Variants in FER observed in about 807,000 individuals in gnomAD.
FER encodes the protein tyrosine-protein kinase Fer.
Under a neutral mutation model 111.0 loss-of-function variants are expected in FER, and 63 were observed. The ratio of observed to expected loss-of-function variants is 0.57; its 90% confidence interval spans 0.46 to 0.70. The LOEUF is 0.70. Ranked by LOEUF, FER falls within the 30% of genes least tolerant of loss-of-function variation. The pLI is 0.00. For synonymous variants in FER, 327 were observed against 313.9 expected, an observed-to-expected ratio of 1.04 and a Z score of -0.44; for missense variants, 914 against 954.0, an observed-to-expected ratio of 0.96 and a Z score of 0.55.
chr5:108,912,786 G>A lies in FER; in HGVS notation c.1236+14938G>A, dbSNP rs191533595. Among the ~76,000 whole-genome samples the A allele has an allele frequency of 1.5e-3, 224 of 152,288 alleles. 1 individual carries two copies. The highest frequency in any genetic ancestry group is 5.3e-3 in the African/African-American group (221 of 41,546). ...AAGGCCTGGGAAAAAAATTTGGGGG[G>A]TATTACCTGGGCTGGTTGTATCAAT... On this transcript the variant is annotated intron_variant, in intron 10 of 19. Transcript: ENST00000281092.
At chr5:109,024,399 G>A (rs1768369362) in intron 13 of FER, among the ~76,000 whole-genome samples, 1 of 152,122 alleles carries the variant, frequency 6.6e-6, no homozygotes, top group South Asian at 2.1e-4. Flanking sequence ...ACCCTATGCA[G>A]AGTGGAATGG....
At chr5:108,836,972 T>C (rs1760731252) in intron 5 of FER, among the ~76,000 whole-genome samples, 1 of 152,186 alleles carries the variant, frequency 6.6e-6, no homozygotes, top group African/African-American at 2.4e-5. Flanking sequence ...TCCTTACTTA[T>C]TTGTCATGTA....
At chr5:108,753,274 A>G (rs1750699837) in intron 1 of FER, among the ~76,000 whole-genome samples, 1 of 152,094 alleles carries the variant, frequency 6.6e-6, no homozygotes, top group Non-Finnish European at 1.5e-5. Context: ...ATATAATTAA[A>G]TTTACTTAAA....
At chr5:109,001,281 C>A (rs1025177771) in intron 13 of FER, among the ~76,000 whole-genome samples, 2 of 152,182 alleles carry the variant, frequency 1.3e-5, no homozygotes, top group Non-Finnish European at 2.9e-5. Context: ...AAAGCTTATC[C>A]ACCATGATCA....
chr5:108,819,841 T>C, intron 3 of FER: 2 of 985,140 alleles, frequency 2.0e-6, no homozygotes, highest in Non-Finnish European at 2.4e-6. Context: ...TGAGTTTTAA[T>C]TTTTTTCCCC....
rs1381830935 is a variant in FER at position 108,862,686 on chromosome 5, CTTA to C, written c.482-5076_482-5074del. Reference sequence around the variant, plus strand: ...GCATGGTAACTGCCTGTTTTGTTTTCTTATTATGAACATGTGGACTGTGGAAAG... The same window carrying C: ...GCATGGTAACTGCCTGTTTTGTTTTCTTATGAACATGTGGACTGTGGAAAG... On this transcript the variant is annotated intron_variant, in intron 5 of 19. Transcript: ENST00000281092. Among the ~76,000 whole-genome samples the C allele has an allele frequency of 5.3e-5, 8 of 152,102 alleles. No individual in the cohort carries two copies. The East Asian group carries it at 1.5e-3, about 29-fold the overall frequency.
At chr5:108,805,329 G>A (rs147422912) in intron 3 of FER, among the ~76,000 whole-genome samples, 1 of 152,174 alleles carries the variant, frequency 6.6e-6, no homozygotes, top group Admixed American at 6.5e-5. Flanking sequence ...GGAACTGTAA[G>A]TTCAGTTAAA....
chr5:108,976,164 T>C (rs949687487), intron 13 of FER, among the ~76,000 whole-genome samples: 2 of 152,100 alleles, frequency 1.3e-5, no homozygotes, highest in African/African-American at 4.8e-5. Flanking sequence ...GGAGGCTCCA[T>C]TGGTCTCTCT....
chr5:108,755,492 T>G (rs1224449257), intron 1 of FER, among the ~76,000 whole-genome samples: 3 of 152,224 alleles, frequency 2.0e-5, no homozygotes, highest in East Asian at 3.9e-4. Context: ...GTTTTTTTGT[T>G]GTTGTTTTTT....
intron 8 of FER, among the ~76,000 whole-genome samples, chr5:108,876,332 CTG>C: frequency 6.6e-6 from 1 of 152,302 alleles, no homozygotes; most frequent in East Asian, 1.9e-4. Flanking sequence ...TACCTGCTAT[CTG>C]TGGGTGATTT....
In FER at chr5:108,890,583, A is replaced by T. The variant is rs560009793; in HGVS notation, c.1046+7065A>T. ...CCTGTGTGTCTCTTCTCTGTATCCAAATTTTCCTCTTCTTATAAGGGCAAC... is the reference window on the plus strand; with the variant it reads ...CCTGTGTGTCTCTTCTCTGTATCCATATTTTCCTCTTCTTATAAGGGCAAC... On this transcript the variant is annotated intron_variant, in intron 9 of 19. Coordinates refer to ENST00000281092, the MANE Select transcript of FER (RefSeq NM_005246.4). Among the ~76,000 whole-genome samples the T allele has an allele frequency of 4.6e-5, 7 of 151,964 alleles. No homozygotes were observed. The East Asian group carries it at 1.2e-3, about 25-fold the overall frequency.
intron 13 of FER, among the ~76,000 whole-genome samples, chr5:109,000,776 AAGAG>A (rs889919573): frequency 1.3e-5 from 2 of 152,160 alleles, no homozygotes; most frequent in Non-Finnish European, 2.9e-5. Context: ...TAAAGAAGAA[AAGAG>A]AGAGGAATCA....
intron 10 of FER, among the ~76,000 whole-genome samples, chr5:108,900,688 C>T (rs1043984653): frequency 6.6e-6 from 1 of 152,170 alleles, no homozygotes; most frequent in Admixed American, 6.5e-5. Flanking sequence ...AATACCGACT[C>T]TTCGGTGGTG....
At chr5:108,996,151 C>G (rs1277935216) in intron 13 of FER, among the ~76,000 whole-genome samples, 1 of 152,038 alleles carries the variant, frequency 6.6e-6, no homozygotes, top group Non-Finnish European at 1.5e-5. Context: ...ATTGTAGATT[C>G]TGGATATTAG....
Position 109,047,312 on chromosome 5 carries a change from C to T in FER, c.1924+114C>T. 11 of 611,448 alleles carry T rather than the reference C, an allele frequency of 1.8e-5. No individual in the cohort carries two copies. The South Asian group carries it at 2.3e-4, about 13-fold the overall frequency. The allele number at this position is 611,448 out of a possible 1,614,324, so 37.9% of individuals were successfully genotyped here. A position where few individuals can be genotyped will look rare whatever the true frequency, so the allele number is the denominator to read the frequency against. On this transcript the variant is annotated intron_variant, in intron 16 of 19. Transcript: ENST00000281092. ...TAAAGTCTCCAAGGATTTTGTTTAA[C>T]ATTTCCAGATAACAAAAGAGTCTGT... is the stretch of plus-strand genomic sequence containing the variant.
At chr5:108,947,749 A>G (rs1757174475) in intron 11 of FER, among the ~76,000 whole-genome samples, 1 of 151,822 alleles carries the variant, frequency 6.6e-6, no homozygotes, top group South Asian at 2.1e-4. Flanking sequence ...AAAATCGTCT[A>G]ATCCAAGATT....
At chr5:109,007,096 G>C (rs1379611290) in intron 13 of FER, among the ~76,000 whole-genome samples, 2 of 152,116 alleles carry the variant, frequency 1.3e-5, no homozygotes, top group Non-Finnish European at 2.9e-5. Context: ...TCAGAAAATT[G>C]AGAAATTATT....
chr5:109,014,853 T>G (rs925937465), intron 13 of FER: 1 of 152,298 alleles, frequency 6.6e-6, no homozygotes, highest in Non-Finnish European at 1.5e-5. Context: ...GAATGCTTAA[T>G]GAATTTGCGT....
chr5:109,132,729 G>A (rs551001425), intron 17 of FER, among the ~76,000 whole-genome samples: 3 of 152,126 alleles, frequency 2.0e-5, no homozygotes, highest in Non-Finnish European at 2.9e-5. Context: ...AGGATGGGTG[G>A]TATACTGACT....
Sources: gnomAD v4.1 joint callset for allele counts (sites outside exome capture counted in the v4.1 genomes callset) on GRCh38, gnomAD v4.1.1 for gene constraint, MANE v1.5 for transcripts, NCBI Gene and HGNC (gene_info 2026-07-23, HGNC 2026-07-21) for gene names.